SLC44A1: variants seen among roughly 807,000 people sequenced by gnomAD.
The protein encoded by SLC44A1 is solute carrier family 44 member 1.
A neutral mutation model predicts 79.3 loss-of-function variants in SLC44A1; 26 were observed. The ratio of observed to expected loss-of-function variants is 0.33; its 90% CI spans 0.24 to 0.46. The LOEUF (loss-of-function observed/expected upper bound fraction) is 0.46, where lower values mean the gene tolerates loss of function less well. Ranked by LOEUF, SLC44A1 falls within the 20% of genes least tolerant of loss-of-function variation. The pLI is 1.00. For missense variants in SLC44A1, 688 were observed against 798.1 expected, an observed-to-expected ratio of 0.86 and a Z score of 1.66; for synonymous variants, 263 against 286.2, an observed-to-expected ratio of 0.92 and a Z score of 0.82.
rs371541154 is a variant in SLC44A1 at position 105,335,542 on chromosome 9, GT to G, written c.270-14del. 6.4e-5 allele frequency: 103 copies of G among 1,601,298 alleles called. 1 individual carries two copies. In the African/African-American group the frequency reaches 8.3e-4, roughly 13 times the overall value. On this transcript the variant is annotated intron_variant, in intron 3 of 15. Coordinates refer to ENST00000374720, the MANE Select transcript of SLC44A1 (RefSeq NM_080546.5). Reference sequence around the variant, plus strand: ...ATGTGTTTTGTGAAGTAATATCTCAGTTTTTTTCTCCATGCTTTAGGTATGT... The same window carrying G: ...ATGTGTTTTGTGAAGTAATATCTCAGTTTTTTCTCCATGCTTTAGGTATGT...
At chr9:105,379,011 A>T (rs1299171331) in intron 13 of SLC44A1, among the ~76,000 whole-genome samples, 2 of 152,244 alleles carry the variant, frequency 1.3e-5, no homozygotes, top group Non-Finnish European at 2.9e-5. Flanking sequence ...TCTGTGGCTC[A>T]CGCCTGTAAT....
chr9:105,391,111 C>T lies in SLC44A1; in HGVS notation c.*2055C>T. On this transcript the variant is annotated 3_prime_UTR_variant, in exon 16 of 16. Transcript: ENST00000374720. ...AGAAGATGGGTATCAAAACAGAAGA[C>T]ATTCCAGGAGCTAGCAATTTTAAGA... The T allele has an allele frequency of 2.0e-6, 2 of 985,700 alleles. No homozygotes were observed. The highest frequency in any genetic ancestry group is 1.2e-6 in the Non-Finnish European group (1 of 829,876). 61.1% of individuals were successfully genotyped at this position (985,700 alleles called of 1,614,324 possible). A position where few individuals can be genotyped will look rare whatever the true frequency, so the allele number is the denominator to read the frequency against.
chr9:105,265,295 C>G (rs1829935669), intron 1 of SLC44A1, among the ~76,000 whole-genome samples: 1 of 152,188 alleles, frequency 6.6e-6, no homozygotes, highest in African/African-American at 2.4e-5. Flanking sequence ...TGAGCTGCCC[C>G]TTTGTCATCA....
rs143571655 is a variant in SLC44A1 at position 105,327,563 on chromosome 9, C to G, written c.270-8000C>G. ...CTCCCAAAGTGCTGGGATTTACAGG[C>G]GTACCATTTATAAGGCCCTGCATGA... is the stretch of plus-strand genomic sequence containing the variant. On this transcript the variant is annotated intron_variant, in intron 3 of 15. Coordinates refer to ENST00000374720, the MANE Select transcript of SLC44A1 (RefSeq NM_080546.5). 1.4e-4 allele frequency among the ~76,000 whole-genome samples: 21 copies of G among 152,092 alleles called. No individual in the cohort carries two copies. In the South Asian group the frequency reaches 3.7e-3, roughly 27 times the overall value.
Position 105,309,829 on chromosome 9 carries a change from G to A in SLC44A1, c.232G>A (p.Ala78Thr), listed in dbSNP as rs747119583. ...ICGQKNTKLE[A>T]IPNSGMDHTQ... Reference sequence around the variant, plus strand: ...TGGGCAGAAAAATACAAAGTTGGAAGCAATACCAAACAGTGGCATGGACCA... The same window carrying A: ...TGGGCAGAAAAATACAAAGTTGGAAACAATACCAAACAGTGGCATGGACCA... Residue 78 changes from alanine (A) to threonine (T), a missense_variant, in exon 3 of 16, where the codon GCA becomes ACA. Transcript: ENST00000374720. The A allele has an allele frequency of 1.2e-6, 2 of 1,613,702 alleles. No homozygotes were observed. Among genetic ancestry groups the A allele is most frequent in the South Asian group, 2.2e-5 (2 of 91,066 alleles).
intron 1 of SLC44A1, among the ~76,000 whole-genome samples, chr9:105,294,951 C>T (rs1182070818): frequency 6.9e-6 from 1 of 145,338 alleles, no homozygotes; most frequent in East Asian, 2.0e-4. Flanking sequence ...TTTGAGTATA[C>T]TGATTTTTTT....
At chr9:105,347,428 T>G (rs753303129) in intron 4 of SLC44A1, among the ~76,000 whole-genome samples, 110 of 152,174 alleles carry the variant, frequency 7.2e-4, no homozygotes, top group Non-Finnish European at 1.2e-3. Context: ...TATTATACAA[T>G]GAACCTTCCA....
At chr9:105,271,920 T>A (rs536558031) in intron 1 of SLC44A1, among the ~76,000 whole-genome samples, 5 of 152,328 alleles carry the variant, frequency 3.3e-5, no homozygotes, top group African/African-American at 1.2e-4. Flanking sequence ...GGCCTGATTG[T>A]GATCTTAAAT....
chr9:105,411,723 G>A (rs1027074649), intron 15 of SLC44A1, among the ~76,000 whole-genome samples: 1 of 151,910 alleles, frequency 6.6e-6, no homozygotes, highest in East Asian at 1.9e-4. Flanking sequence ...CTTCAATTTC[G>A]GTTTGTCTAA....
intron 1 of SLC44A1, among the ~76,000 whole-genome samples, chr9:105,270,514 C>G (rs1830053556): frequency 1.3e-5 from 2 of 152,122 alleles, no homozygotes; most frequent in African/African-American, 4.8e-5. Flanking sequence ...TTCACCTCCC[C>G]ACTACCATCC....
In SLC44A1 at chr9:105,244,665, C is replaced by T. The variant is rs893342710; in HGVS notation, c.-204C>T. 1.2e-5 allele frequency: 3 copies of T among 257,450 alleles called. No individual in the cohort carries two copies. The highest frequency in any genetic ancestry group is 2.2e-5 in the Non-Finnish European group (3 of 136,862). 15.9% of individuals were successfully genotyped at this position (257,450 alleles called of 1,614,324 possible). On this transcript the variant is annotated 5_prime_UTR_variant, in exon 1 of 16. Transcript: ENST00000374720. The stretch of plus-strand genomic sequence containing the variant: ...AGCAGAGCAGGAGACGCGTAGCCGC[C>T]GTCGCCGCCGCCGGGGGATGTGGCC...
intron 4 of SLC44A1, among the ~76,000 whole-genome samples, chr9:105,347,318 A>G (rs936577152): frequency 2.0e-5 from 3 of 152,068 alleles, no homozygotes; most frequent in Non-Finnish European, 2.9e-5. Context: ...TGACCAAATT[A>G]GTAATCTGGT....
chr9:105,291,976 A>T (rs914662765), intron 1 of SLC44A1, among the ~76,000 whole-genome samples: 7 of 152,258 alleles, frequency 4.6e-5, no homozygotes, highest in South Asian at 2.1e-4. Flanking sequence ...AAAATATAAG[A>T]GTATGAGTGG....
intron 1 of SLC44A1, among the ~76,000 whole-genome samples, chr9:105,294,348 A>G (rs1564420050): frequency 1.3e-5 from 2 of 152,116 alleles, no homozygotes; most frequent in African/African-American, 2.4e-5. Context: ...AACATTTCTT[A>G]CAGTTCAGGT....
At chr9:105,290,883 T>C (rs1830588081) in intron 1 of SLC44A1, among the ~76,000 whole-genome samples, 1 of 152,258 alleles carries the variant, frequency 6.6e-6, no homozygotes, top group South Asian at 2.1e-4. Flanking sequence ...CCACGCAGTG[T>C]ATCTTAATAC....
chr9:105,417,735 G>A (rs191931119), intron 15 of SLC44A1, among the ~76,000 whole-genome samples: 1 of 151,174 alleles, frequency 6.6e-6, no homozygotes, highest in Non-Finnish European at 1.5e-5. Context: ...AGGCATGGTG[G>A]CTTATACCTG....
intron 15 of SLC44A1, among the ~76,000 whole-genome samples, chr9:105,414,562 A>C (rs7028140): frequency 0.039 from 5,916 of 152,222 alleles, 358 homozygotes; most frequent in African/African-American, 0.13. Flanking sequence ...TGGATTTACA[A>C]AGTTAATATT....
chr9:105,286,248 A>G (rs1459417374), intron 1 of SLC44A1, among the ~76,000 whole-genome samples: 3 of 152,210 alleles, frequency 2.0e-5, no homozygotes, highest in African/African-American at 4.8e-5. Flanking sequence ...TGCTAACCAC[A>G]GTAAACAGAG....
chr9:105,393,177 A>T lies in SLC44A1; in HGVS notation c.*4121A>T. On this transcript the variant is annotated 3_prime_UTR_variant, in exon 16 of 16. Transcript: ENST00000374720. ...TAACGCAGATATTTGTGTATTCTGT[A>T]TTCACAGCGTAGGCTGCCTTTTGCT... 2 of 985,464 alleles carry T rather than the reference A, an allele frequency of 2.0e-6. No individual in the cohort carries two copies. The highest frequency in any genetic ancestry group is 2.4e-6 in the Non-Finnish European group (2 of 829,928). The allele number at this position is 985,464 out of a possible 1,614,324, so 61.0% of individuals were successfully genotyped here. A position where few individuals can be genotyped will look rare whatever the true frequency, so the allele number is the denominator to read the frequency against.
Sources: gnomAD v4.1 joint callset for allele counts (sites outside exome capture counted in the v4.1 genomes callset) on GRCh38, gnomAD v4.1.1 for gene constraint, MANE v1.5 for transcripts, NCBI Gene and HGNC (gene_info 2026-07-23, HGNC 2026-07-21) for gene names.